The following NDST3 variants were observed in gnomAD, a reference collection of about 807,000 sequenced individuals.
The protein encoded by NDST3 is bifunctional heparan sulfate N-deacetylase/N-sulfotransferase 3.
Under a neutral mutation model 96.1 loss-of-function variants are expected in NDST3, and 58 were observed. The ratio of observed to expected loss-of-function variants is 0.60; its 90% CI spans 0.49 to 0.75. The LOEUF (loss-of-function observed/expected upper bound fraction) is 0.75. NDST3 is among the 30% of genes least tolerant of loss of function. The pLI is 0.00. For synonymous variants in NDST3, 333 were observed against 359.7 expected (o/e 0.93, Z 0.84); for missense variants, 788 against 1,034.2 (o/e 0.76, Z 3.27).
intron 6 of NDST3, among the ~76,000 whole-genome samples, chr4:118,173,154 G>GTATA (rs746500835): frequency 1.1e-4 from 13 of 114,596 alleles, no homozygotes; most frequent in East Asian, 6.5e-4. Flanking sequence ...GTGTGTGTGT[G>GTATA]TATATATATA....
chr4:118,245,901 TGAG>T (rs1741283513), intron 12 of NDST3, among the ~76,000 whole-genome samples: 2 of 152,094 alleles, frequency 1.3e-5, no homozygotes, highest in South Asian at 4.2e-4. Context: ...GCAAGTAAGT[TGAG>T]GAGGCAGGAT....
intron 6 of NDST3, among the ~76,000 whole-genome samples, chr4:118,214,883 A>T (rs529508723): frequency 5.3e-5 from 8 of 152,264 alleles, no homozygotes; most frequent in African/African-American, 1.9e-4. Flanking sequence ...GGAAGACCAG[A>T]TCTGTCTGTA....
chr4:118,147,572 G>A (rs1734039474), intron 6 of NDST3, among the ~76,000 whole-genome samples: 2 of 152,136 alleles, frequency 1.3e-5, no homozygotes, highest in East Asian at 3.8e-4. Context: ...GGATTAATTG[G>A]CAATGACTGC....
At chr4:118,083,386 G>T (rs977463930) in intron 2 of NDST3, among the ~76,000 whole-genome samples, 3 of 152,120 alleles carry the variant, frequency 2.0e-5, no homozygotes, top group African/African-American at 2.4e-5. Flanking sequence ...TACTTAATTC[G>T]ATTTATTATT....
At chr4:118,164,991 C>A (rs1450412121) in intron 6 of NDST3, among the ~76,000 whole-genome samples, 1 of 151,960 alleles carries the variant, frequency 6.6e-6, no homozygotes, top group African/African-American at 2.4e-5. Context: ...CAACAAAACA[C>A]AAAGGAAGAC....
intron 8 of NDST3, among the ~76,000 whole-genome samples, chr4:118,232,682 AG>A (rs1208262545): frequency 2.1e-5 from 3 of 141,870 alleles, no homozygotes; most frequent in South Asian, 2.3e-4. Flanking sequence ...AGAAAAGAAA[AG>A]GAAAGAAACA....
At chr4:118,197,948 C>T (rs1309051481) in intron 6 of NDST3, among the ~76,000 whole-genome samples, 2 of 151,798 alleles carry the variant, frequency 1.3e-5, no homozygotes, top group African/African-American at 4.8e-5. Context: ...TACAGACACA[C>T]ACCACCACGC....
intron 9 of NDST3, among the ~76,000 whole-genome samples, chr4:118,236,567 G>A (rs760661137): frequency 1.3e-5 from 2 of 152,102 alleles, no homozygotes; most frequent in Admixed American, 6.6e-5. Context: ...GTGATTAAAC[G>A]TAACACCGGC....
At chr4:118,124,713 A>T (rs1228521507) in intron 4 of NDST3, among the ~76,000 whole-genome samples, 1 of 152,130 alleles carries the variant, frequency 6.6e-6, no homozygotes, top group Non-Finnish European at 1.5e-5. Context: ...CTTACTGTAT[A>T]CTAAATTAAA....
At chr4:118,253,677 CTAGT>C (rs1035327528) in intron 13 of NDST3, 76 bp downstream of exon 13, 12 of 992,324 alleles carry the variant, frequency 1.2e-5, no homozygotes, top group African/African-American at 1.1e-4. Context: ...TCTTAAAAAA[CTAGT>C]TAAAGTCAAA....
intron 6 of NDST3, among the ~76,000 whole-genome samples, chr4:118,198,920 C>T (rs184039984): frequency 8.1e-4 from 123 of 152,206 alleles, no homozygotes; most frequent in African/African-American, 2.7e-3. Flanking sequence ...GAAAAGGCTG[C>T]CACTAGATGT....
At chr4:118,141,556 T>C (rs1275756737) in intron 5 of NDST3, among the ~76,000 whole-genome samples, 1 of 152,156 alleles carries the variant, frequency 6.6e-6, no homozygotes, top group Non-Finnish European at 1.5e-5. Context: ...TAGACAAAAT[T>C]CAAATATCTT....
intron 11 of NDST3, among the ~76,000 whole-genome samples, 156 bp from the exon 12 acceptor site, chr4:118,241,884 T>C (rs972967206): frequency 5.3e-5 from 8 of 152,204 alleles, no homozygotes; most frequent in African/African-American, 1.9e-4. Flanking sequence ...TTATTCCAGG[T>C]CATTAATGAG....
intron 12 of NDST3, among the ~76,000 whole-genome samples, chr4:118,252,216 G>T (rs941960779): frequency 1.3e-5 from 2 of 152,122 alleles, no homozygotes; most frequent in Non-Finnish European, 2.9e-5. Context: ...TTATATCTGA[G>T]CATACAAATT....
At chr4:118,071,469 G>A (rs1727067636) in intron 2 of NDST3, among the ~76,000 whole-genome samples, 1 of 152,010 alleles carries the variant, frequency 6.6e-6, no homozygotes. Context: ...GCTTTCATAT[G>A]TACTCATTGT....
At chr4:118,152,486 T>A (rs1266689015) in intron 6 of NDST3, among the ~76,000 whole-genome samples, 2 of 152,162 alleles carry the variant, frequency 1.3e-5, no homozygotes, top group Non-Finnish European at 2.9e-5. Context: ...ATTATTGAAA[T>A]TTTTCATTTA....
chr4:118,143,270 A>AC (rs1276885064), intron 5 of NDST3, among the ~76,000 whole-genome samples: 1 of 152,060 alleles, frequency 6.6e-6, no homozygotes, highest in East Asian at 1.9e-4. Context: ...GCTAGAACCT[A>AC]CTAGGCTTCA....
intron 6 of NDST3, among the ~76,000 whole-genome samples, chr4:118,208,605 T>C (rs886913775): frequency 2.1e-5 from 3 of 144,088 alleles, no homozygotes; most frequent in Admixed American, 2.1e-4. Flanking sequence ...AGCCCTAGTA[T>C]ATTCTCTCTA....
At chr4:118,233,264 A>G in intron 9 of NDST3, 129 bp downstream of exon 9, 1 of 782,744 alleles carries the variant, frequency 1.3e-6, no homozygotes, top group Non-Finnish European at 1.8e-6. Flanking sequence ...TTGGAAATTG[A>G]TTGAATATCA....
Sources: gnomAD v4.1 joint callset for allele counts (sites outside exome capture counted in the v4.1 genomes callset) on GRCh38, gnomAD v4.1.1 for gene constraint, MANE v1.5 for transcripts, NCBI Gene and HGNC (gene_info 2026-07-23, HGNC 2026-07-21) for gene names.